Variants in EMC1 observed in about 807,000 individuals in gnomAD.
EMC1 encodes the protein KIAA0090.
EMC1 carries 103 observed loss-of-function variants against 128.8 expected under a neutral mutation model. The observed-to-expected ratio is 0.80, with a 90% CI of 0.68 to 0.94. The LOEUF (loss-of-function observed/expected upper bound fraction) is 0.94. Among genes scored for constraint, EMC1 ranks in the 40% least tolerant of loss-of-function variants. EMC1 has a pLI of 0.00. For synonymous variants in EMC1, 442 were observed against 490.4 expected (o/e 0.90, Z 1.30); for missense variants, 1,083 against 1,250.6 (o/e 0.87, Z 2.02).
chr1:19,222,738 G>A lies in EMC1; in HGVS notation c.2473C>T (p.Leu825=). ...EQYNATAFSS[L]DRPQLPQVLQ... ...ACCTGGGGCAGCTGGGGGCGGTCCA[G>A]GGAGCTGAAGGCGGTGGCGTTGTAT... Residue 825 remains leucine (L), a synonymous_variant, in exon 20 of 23, where the codon CTG becomes TTG. Transcript: ENST00000477853. The A allele has an allele frequency of 6.2e-7, 1 of 1,614,192 alleles. No individual in the cohort carries two copies. Among genetic ancestry groups the A allele is most frequent in the South Asian group, 1.1e-5 (1 of 91,078 alleles).
In EMC1 at chr1:19,219,573, C is replaced by T; in HGVS notation, c.2798G>A (p.Cys933Tyr). 1 of 1,614,120 alleles carries T rather than the reference C, an allele frequency of 6.2e-7. No homozygotes were observed. Among genetic ancestry groups the T allele is most frequent in the Non-Finnish European group, 8.5e-7 (1 of 1,180,012 alleles). Residue 933 changes from cysteine (C) to tyrosine (Y), a missense_variant, in exon 22 of 23, where the codon TGT becomes TAT. By Grantham distance (194) the Cys-to-Tyr change is radical. This residue lies in a region of EMC1 where 527 missense variants were observed against 644.1 expected (regional missense o/e 0.82). Coordinates refer to ENST00000477853, the MANE Select transcript of EMC1 (RefSeq NM_015047.3). ...GCAGCTGTGGGCTCTACTCACCAAA[C>T]AAGTGGACTCCAGACCCGAGGGAGC... Reference protein sequence around the residue: ...YTAPSGLESTCLVVAYGLDIY... With the variant: ...YTAPSGLESTYLVVAYGLDIY...
chr1:19,238,812 C>A lies in EMC1; in HGVS notation c.1072G>T (p.Glu358Ter). ...CACCATACCTTTGAACTAGACTTCT[C>A]CGAAAAGCTCCCCATTGACCCATCT... ...SEDGSMGSFS[E>*]KSSSKDSLAC... is the part of the protein sequence containing the mutation. Residue 358 changes from glutamate to a stop codon, truncating the protein, a stop_gained, in exon 10 of 23, where the codon GAG (glutamate) becomes TAG (stop). Coordinates refer to ENST00000477853, the MANE Select transcript of EMC1 (RefSeq NM_015047.3). LOFTEE classifies it high-confidence loss of function. The A allele has an allele frequency of 6.2e-7, 1 of 1,611,380 alleles. No homozygotes were observed. Among genetic ancestry groups the A allele is most frequent in the Non-Finnish European group, 8.5e-7 (1 of 1,177,560 alleles).
chr1:19,231,422 C>T lies in EMC1; in HGVS notation c.1783G>A (p.Glu595Lys), dbSNP rs1243362241. ...PQCTLLVKDK[E>K]SGMSSLYVFN... ...ACATACAGAGAACTCATTCCCGACT[C>T]CTAAAATGAGCAAACTGTCAGGCTC... is the stretch of plus-strand genomic sequence containing the variant. Residue 595 changes from glutamate (E) to lysine (K), a missense_variant and splice_region_variant, in exon 16 of 23, where the codon GAG becomes AAG. Glu to Lys is a moderately conservative substitution (Grantham distance 56, BLOSUM62 1). This residue lies in a region of EMC1 where 527 missense variants were observed against 644.1 expected (regional missense o/e 0.82). Coordinates refer to ENST00000477853, the MANE Select transcript of EMC1 (RefSeq NM_015047.3). 1.2e-6 allele frequency: 2 copies of T among 1,610,962 alleles called. No individual in the cohort carries two copies. The highest frequency in any genetic ancestry group is 1.7e-6 in the Non-Finnish European group (2 of 1,179,242).
chr1:19,222,616 T>G lies in EMC1; in HGVS notation c.2587+8A>C, dbSNP rs146607123. On this transcript the variant is annotated splice_region_variant and intron_variant, in intron 20 of 22. Transcript: ENST00000477853. ...CCCAGCCATCCCAGAGGCTCCCCAG[T>G]CACTCACTCAGCAGGTGTCGGCTGG... The G allele has an allele frequency of 3.2e-5, 51 of 1,612,798 alleles. No individual in the cohort carries two copies. In the African/African-American group the frequency reaches 5.5e-4, roughly 17 times the overall value.
intron 4 of EMC1, among the ~76,000 whole-genome samples, chr1:19,243,112 A>AT (rs1463447160): frequency 2.0e-5 from 3 of 152,088 alleles, no homozygotes; most frequent in African/African-American, 7.2e-5. Context: ...TCACATGCCT[A>AT]TAATCCCAGC....
chr1:19,226,477 T>A lies in EMC1; in HGVS notation c.2202+836A>T, dbSNP rs1022225451. 1.3e-4 allele frequency among the ~76,000 whole-genome samples: 19 copies of A among 151,646 alleles called. No homozygotes were observed. In the South Asian group the frequency reaches 1.5e-3, roughly 12 times the overall value. On this transcript the variant is annotated intron_variant, in intron 18 of 22. Coordinates refer to ENST00000477853, the MANE Select transcript of EMC1 (RefSeq NM_015047.3). The stretch of plus-strand genomic sequence containing the variant: ...ATAAAAATAAAAAATTAAAAAAAAA[T>A]TTTTTTTTGAAGACAGGGTTTTACT...
At position 19,219,215 on chromosome 1, in the gene EMC1, A is replaced by G. The variant is rs1348148566; in HGVS notation, c.*88T>C. 3 of 1,330,012 alleles carry G rather than the reference A, an allele frequency of 2.3e-6. No homozygotes were observed. The African/African-American group carries it at 4.3e-5, about 19-fold the overall frequency. 82.4% of individuals were successfully genotyped at this position (1,330,012 alleles called of 1,614,324 possible). A position where few individuals can be genotyped will look rare whatever the true frequency, so the allele number is the denominator to read the frequency against. On this transcript the variant is annotated 3_prime_UTR_variant, in exon 23 of 23. Transcript: ENST00000477853. ...TAGCTGAGCACTGACACACACACAT[A>G]CTCCACCAATCCACCAAACTGCAGC...
At position 19,228,816 on chromosome 1, in the gene EMC1, C is replaced by T. The variant is rs879780280; in HGVS notation, c.2065-1366G>A. On this transcript the variant is annotated intron_variant, in intron 17 of 22. Transcript: ENST00000477853. ...CCTGTAATCCCAGCACTTTCGGAGC[C>T]CGAGGCGGGAGGATCACTTGAGGTC... Among the ~76,000 whole-genome samples, 115 of 152,228 alleles carry T rather than the reference C, an allele frequency of 7.6e-4. 1 individual carries two copies. The highest frequency in any genetic ancestry group is 6.2e-4 in the Non-Finnish European group (42 of 68,016).
At chr1:19,231,107 T>C in intron 16 of EMC1, 144 bp from the exon 17 acceptor site, 1 of 1,324,406 alleles carries the variant, frequency 7.6e-7, no homozygotes, top group Non-Finnish European at 1.0e-6. Flanking sequence ...TTTTCACAAA[T>C]GCAGACACAG....
At chr1:19,227,534 T>C (rs2093484941) in intron 17 of EMC1, 84 bp from the exon 18 acceptor site, 7 of 1,503,516 alleles carry the variant, frequency 4.7e-6, no homozygotes, top group Non-Finnish European at 5.5e-6. Flanking sequence ...CTACAGTTCA[T>C]TATTTGAGGC....
chr1:19,243,249 A>G (rs1419362355), intron 4 of EMC1, among the ~76,000 whole-genome samples: 1 of 152,188 alleles, frequency 6.6e-6, no homozygotes, highest in Non-Finnish European at 1.5e-5. Context: ...AACTCAATAA[A>G]TAAAAATAAA....
chr1:19,242,055 A>C (rs2093608998), intron 5 of EMC1, among the ~76,000 whole-genome samples: 1 of 152,228 alleles, frequency 6.6e-6, no homozygotes, highest in South Asian at 2.1e-4. Flanking sequence ...ACTAGAAGTC[A>C]GAAGGCACAA....
chr1:19,235,336 G>A (rs1215384055), intron 12 of EMC1, 84 bp from the exon 13 acceptor site: 59 of 1,430,742 alleles, frequency 4.1e-5, no homozygotes, highest in Non-Finnish European at 5.5e-5. Context: ...GGGAGGCCAA[G>A]GTGGGTGAAT....
chr1:19,240,209 G>A (rs2093596329), intron 7 of EMC1, 88 bp downstream of exon 7: 1 of 1,533,868 alleles, frequency 6.5e-7, no homozygotes, highest in Non-Finnish European at 8.9e-7. Flanking sequence ...AAGAGTCTAG[G>A]AGAAAGACCC....
At chr1:19,227,165 C>A in intron 18 of EMC1, 148 bp downstream of exon 18, 6 of 819,428 alleles carry the variant, frequency 7.3e-6, no homozygotes, top group South Asian at 1.7e-5. Flanking sequence ...GTATATTATC[C>A]CCATTTCACA....
chr1:19,238,282 A>G lies in EMC1; in HGVS notation c.1090-143T>C, dbSNP rs151276989. 2.7e-3 allele frequency: 2,427 copies of G among 896,358 alleles called. 8 individuals carry two copies. Among genetic ancestry groups the G allele is most frequent in the Non-Finnish European group, 3.5e-3 (2,068 of 595,718 alleles). The allele number at this position is 896,358 out of a possible 1,614,324, so 55.5% of individuals were successfully genotyped here. On this transcript the variant is annotated intron_variant, in intron 10 of 22. Transcript: ENST00000477853. ...ATATATGCAAAGGAGAATAAAAGAGAAAAGCAAGCTAAATCCTAAGGCAGA... is the reference window on the plus strand; with the variant it reads ...ATATATGCAAAGGAGAATAAAAGAGGAAAGCAAGCTAAATCCTAAGGCAGA...
chr1:19,241,264 C>A, intron 5 of EMC1, 122 bp from the exon 6 acceptor site: 1 of 1,172,046 alleles, frequency 8.5e-7, no homozygotes, highest in East Asian at 2.4e-5. Flanking sequence ...TTTTGTTTGG[C>A]TCACACAGTT....
chr1:19,237,170 A>G lies in EMC1; in HGVS notation c.1281T>C (p.Asp427=), dbSNP rs1298730677. Residue 427 remains aspartate, a synonymous_variant, in exon 12 of 23, where the codon GAT becomes GAC. Transcript: ENST00000477853. The part of the protein sequence containing the change: ...VGYRALVQTE[D]HLLLFLQQLA... The stretch of plus-strand genomic sequence containing the variant: ...ACTGCTGCAGGAAAAGTAGCAGATG[A>G]TCCTCTGTCTGCACCAAAGCCCGGT... 1.9e-6 allele frequency: 3 copies of G among 1,613,766 alleles called. No homozygotes were observed. Among genetic ancestry groups the G allele is most frequent in the Non-Finnish European group, 2.5e-6 (3 of 1,179,858 alleles).
At chr1:19,236,958 A>G (rs190773382) in intron 12 of EMC1, among the ~76,000 whole-genome samples, 184 bp downstream of exon 12, 1,774 of 132,816 alleles carry the variant, frequency 0.013, 45 homozygotes, top group African/African-American at 0.046. Context: ...AGAGAGCAAG[A>G]CTCTATCTCA....
Sources: allele counts gnomAD v4.1 joint callset (sites outside exome capture counted in the v4.1 genomes callset), GRCh38; gene constraint gnomAD v4.1.1; regional missense constraint gnomAD v4.1.1; transcripts MANE v1.5; gene names NCBI Gene and HGNC (gene_info 2026-07-23, HGNC 2026-07-21).